Variants in GAN observed in about 807,000 individuals in gnomAD.
GAN encodes the protein epididymis secretory sperm binding protein.
In GAN, 48 loss-of-function variants were observed where a neutral mutation model predicts 71.3. The ratio of observed to expected loss-of-function variants is 0.67; its 90% CI spans 0.53 to 0.86. The LOEUF is 0.86. Among genes scored for constraint, GAN ranks in the 40% least tolerant of loss-of-function variants. The pLI is 0.00. For synonymous variants in GAN, 386 were observed against 276.8 expected (o/e 1.39, Z -3.92); for missense variants, 928 against 770.1 (o/e 1.21, Z -2.43).
At chr16:81,328,612 T>C (rs1909467212) in intron 1 of GAN, among the ~76,000 whole-genome samples, 1 of 151,984 alleles carries the variant, frequency 6.6e-6, no homozygotes, top group Admixed American at 6.6e-5. Flanking sequence ...CCAGGAAAAC[T>C]GTCTTATCAT....
At chr16:81,343,838 G>A (rs1207197989) in intron 1 of GAN, among the ~76,000 whole-genome samples, 1 of 152,196 alleles carries the variant, frequency 6.6e-6, no homozygotes, top group African/African-American at 2.4e-5. Flanking sequence ...GTCTCTGTTT[G>A]CAGATGACAT....
intron 1 of GAN, among the ~76,000 whole-genome samples, chr16:81,316,406 C>A (rs1442469531): frequency 1.4e-5 from 2 of 146,670 alleles, no homozygotes; most frequent in Non-Finnish European, 3.0e-5. Context: ...AGAAGAAATT[C>A]AAGTGCCCTT....
intron 1 of GAN, among the ~76,000 whole-genome samples, chr16:81,319,024 G>C (rs1909137371): frequency 6.6e-6 from 1 of 151,950 alleles, no homozygotes; most frequent in Non-Finnish European, 1.5e-5. Context: ...AAACCTAAAA[G>C]TAGTTGACAG....
intron 1 of GAN, among the ~76,000 whole-genome samples, chr16:81,347,316 A>G (rs1433083903): frequency 6.6e-6 from 1 of 152,212 alleles, no homozygotes; most frequent in African/African-American, 2.4e-5. Context: ...AAAGTTGTCT[A>G]AATACCCTCT....
At chr16:81,336,467 G>T (rs1053683772) in intron 1 of GAN, among the ~76,000 whole-genome samples, 2 of 151,950 alleles carry the variant, frequency 1.3e-5, no homozygotes, top group African/African-American at 2.4e-5. Context: ...TTATTTTTAT[G>T]TATTTATTTA....
At chr16:81,356,094 G>C (rs1199336277) in intron 3 of GAN, among the ~76,000 whole-genome samples, 1 of 152,192 alleles carries the variant, frequency 6.6e-6, no homozygotes, top group African/African-American at 2.4e-5. Flanking sequence ...AAGGTTGGCT[G>C]GTTGCTGGGA....
chr16:81,332,609 A>C (rs968662429), intron 1 of GAN, among the ~76,000 whole-genome samples: 12 of 152,178 alleles, frequency 7.9e-5, no homozygotes, highest in African/African-American at 2.7e-4. Flanking sequence ...CCAAGAGCTG[A>C]TTCTGCCTTC....
intron 1 of GAN, among the ~76,000 whole-genome samples, chr16:81,350,921 A>G (rs1910279823): frequency 6.6e-6 from 1 of 152,258 alleles, no homozygotes; most frequent in Non-Finnish European, 1.5e-5. Flanking sequence ...ATGCCCATCA[A>G]CAGGAAAATG....
intron 1 of GAN, among the ~76,000 whole-genome samples, chr16:81,343,409 C>G (rs1033912927): frequency 3.9e-5 from 6 of 152,192 alleles, no homozygotes; most frequent in African/African-American, 1.2e-4. Flanking sequence ...CATCAGAAAG[C>G]TTATCCACCA....
At chr16:81,356,635 G>C in intron 3 of GAN, 150 bp from the exon 4 acceptor site, 1 of 731,680 alleles carries the variant, frequency 1.4e-6, no homozygotes. Context: ...GCCAGGAGAA[G>C]ATATTCAAGC....
intron 2 of GAN, among the ~76,000 whole-genome samples, chr16:81,352,181 G>A (rs1294342769): frequency 6.6e-6 from 1 of 152,142 alleles, no homozygotes; most frequent in Non-Finnish European, 1.5e-5. Context: ...TGACAGACAT[G>A]ACAAGCACCT....
intron 1 of GAN, among the ~76,000 whole-genome samples, chr16:81,339,942 T>C (rs1909886997): frequency 1.3e-5 from 2 of 152,188 alleles, no homozygotes; most frequent in African/African-American, 4.8e-5. Context: ...AGACTTCAAG[T>C]GTACAGCAAT....
chr16:81,341,309 C>T (rs914402966), intron 1 of GAN, among the ~76,000 whole-genome samples: 1 of 152,040 alleles, frequency 6.6e-6, no homozygotes, highest in African/African-American at 2.4e-5. Flanking sequence ...CAAAGATACT[C>T]CTCGAGAAGA....
chr16:81,380,086 G>A lies in GAN; in HGVS notation c.*2490G>A, dbSNP rs546191171. On this transcript the variant is annotated 3_prime_UTR_variant, in exon 11 of 11. Coordinates refer to ENST00000648994, the MANE Select transcript of GAN (RefSeq NM_022041.4). ...TTAAAATATTGTGTTGAAGTATAGGGATGTATTTAATTTTACTATGCTCCA... is the reference window on the plus strand; with the variant it reads ...TTAAAATATTGTGTTGAAGTATAGGAATGTATTTAATTTTACTATGCTCCA... The A allele has an allele frequency of 1.6e-4, 25 of 152,436 alleles. No individual in the cohort carries two copies. The highest frequency in any genetic ancestry group is 3.3e-4 in the Admixed American group (5 of 15,256). The allele number at this position is 152,436 out of a possible 1,614,324, so 9.4% of individuals were successfully genotyped here.
At position 81,365,422 on chromosome 16, in the gene GAN, C is replaced by G. The variant is rs766129455; in HGVS notation, c.1446C>G (p.Ala482=). 1.6e-5 allele frequency: 26 copies of G among 1,612,992 alleles called. 1 individual carries two copies. The South Asian group carries it at 2.6e-4, about 16-fold the overall frequency. Residue 482 remains alanine, a synonymous_variant, in exon 9 of 11, where the codon GCC becomes GCG. Transcript: ENST00000648994. Reference sequence around the variant, plus strand: ...GGGGAGTCCGAAGTCGTGAGGACGCCCAGGGTAGCGAGATGGTAACTTGCA... The same window carrying G: ...GGGGAGTCCGAAGTCGTGAGGACGCGCAGGGTAGCGAGATGGTAACTTGCA... ...VFGGVRSRED[A]QGSEMVTCKS... is the part of the protein sequence containing the mutation.
intron 1 of GAN, among the ~76,000 whole-genome samples, chr16:81,318,001 C>G (rs944583322): frequency 1.3e-5 from 2 of 152,042 alleles, no homozygotes; most frequent in African/African-American, 4.8e-5. Flanking sequence ...ATTATCAATT[C>G]CGAAGCTGTT....
intron 1 of GAN, among the ~76,000 whole-genome samples, chr16:81,316,132 G>C (rs936936343): frequency 1.8e-4 from 27 of 152,210 alleles, no homozygotes; most frequent in Non-Finnish European, 5.9e-5. Flanking sequence ...AAGTGTATCA[G>C]ATCTTGCAGG....
chr16:81,377,372 T>C, intron 10 of GAN, 43 bp from the exon 11 acceptor site: 1 of 1,597,836 alleles, frequency 6.3e-7, no homozygotes, highest in Non-Finnish European at 8.6e-7. Context: ...TTCCTGGTGA[T>C]TCTGGGTACA....
chr16:81,321,902 C>T (rs1451666599), intron 1 of GAN, among the ~76,000 whole-genome samples: 1 of 152,132 alleles, frequency 6.6e-6, no homozygotes, highest in Non-Finnish European at 1.5e-5. Flanking sequence ...TAAGCCACAA[C>T]AAATCCAAAG....
Sources: gnomAD v4.1 joint callset for allele counts (sites outside exome capture counted in the v4.1 genomes callset) on GRCh38, gnomAD v4.1.1 for gene constraint, MANE v1.5 for transcripts, NCBI Gene and HGNC (gene_info 2026-07-23, HGNC 2026-07-21) for gene names.